Variants in TMEM71 observed in about 807,000 individuals in gnomAD.
The protein encoded by TMEM71 is transmembrane protein 71.
A neutral mutation model predicts 38.0 loss-of-function variants in TMEM71; 44 were observed. The observed-to-expected ratio is 1.16, with a 90% CI of 0.91 to 1.49. The LOEUF is 1.49. Among genes scored for constraint, TMEM71 ranks in the 40% most tolerant of loss-of-function variants. The pLI is 0.00. For missense variants in TMEM71, 367 were observed against 348.6 expected (o/e 1.05, Z -0.42); for synonymous variants, 133 against 122.5 (o/e 1.09, Z -0.56).
the TMEM71 span, chr8:132,775,362 A>T: frequency 2.2e-5 from 8 of 359,478 alleles, no homozygotes; most frequent in Non-Finnish European, 4.0e-5. Context: ...CGGGCGGCTG[A>T]CGTCGCCGGG....
At chr8:132,730,073 C>T (rs1358489668) in intron 5 of TMEM71, among the ~76,000 whole-genome samples, 1 of 152,080 alleles carries the variant, frequency 6.6e-6, no homozygotes, top group African/African-American at 2.4e-5. Context: ...ATTCTCCTGC[C>T]TCAGCCTCCC....
At chr8:132,747,353 T>C (rs938170303) in intron 4 of TMEM71, among the ~76,000 whole-genome samples, 3 of 152,212 alleles carry the variant, frequency 2.0e-5, no homozygotes, top group East Asian at 1.9e-4. Flanking sequence ...AAGAAAGAAA[T>C]AATAATGCAC....
chr8:132,740,193 TC>T lies in TMEM71; in HGVS notation c.487+6748del, dbSNP rs547880058. Among the ~76,000 whole-genome samples, 571 of 152,006 alleles carry T rather than the reference TC, an allele frequency of 3.8e-3. 4 individuals carry two copies. Among genetic ancestry groups the T allele is most frequent in the African/African-American group, 0.012 (484 of 41,414 alleles). ...ACACCTTTCAGTCTTTTCCCTACTA[TC>T]CCCCCTCACTCACTCAGCCCAGTGC... On this transcript the variant is annotated intron_variant, in intron 5 of 9. Coordinates refer to ENST00000677595, the MANE Select transcript of TMEM71 (RefSeq NM_001382403.1).
chr8:132,767,909 A>G, the TMEM71 span, among the ~76,000 whole-genome samples: 1 of 152,212 alleles, frequency 6.6e-6, no homozygotes, highest in Non-Finnish European at 1.5e-5. Context: ...TTATGAGAAA[A>G]AGATTATGTT....
intron 3 of TMEM71, among the ~76,000 whole-genome samples, chr8:132,752,864 G>A (rs532244543): frequency 3.3e-5 from 5 of 149,980 alleles, no homozygotes; most frequent in Non-Finnish European, 7.4e-5. Flanking sequence ...AGGAAGGAAG[G>A]AAGGAAGGAA....
At chr8:132,728,646 T>G (rs1040274168) in intron 5 of TMEM71, among the ~76,000 whole-genome samples, 6 of 152,260 alleles carry the variant, frequency 3.9e-5, no homozygotes, top group Admixed American at 2.0e-4. Flanking sequence ...GAAGTTTGTA[T>G]AGATGGATTT....
chr8:132,710,841 T>C lies in TMEM71; in HGVS notation c.*126A>G, dbSNP rs1358462946. ...TTAAAATCACATAGTCAAACTAAAA[T>C]GGCTTTTTCTCCATTACTCGCTTAC... On this transcript the variant is annotated 3_prime_UTR_variant, in exon 10 of 10. Transcript: ENST00000677595. The C allele has an allele frequency of 8.5e-6, 7 of 821,156 alleles. No homozygotes were observed. In the Admixed American group the frequency reaches 8.6e-5, roughly 10 times the overall value. 50.9% of individuals were successfully genotyped at this position (821,156 alleles called of 1,614,324 possible).
intron 5 of TMEM71, among the ~76,000 whole-genome samples, 169 bp from the exon 6 acceptor site, chr8:132,728,155 G>C (rs1386220092): frequency 1.3e-5 from 2 of 152,098 alleles, no homozygotes; most frequent in African/African-American, 4.8e-5. Flanking sequence ...TTTTGGATGA[G>C]ATGAGATGAT....
At chr8:132,715,337 G>A (rs545352491) in intron 7 of TMEM71, among the ~76,000 whole-genome samples, 1 of 149,024 alleles carries the variant, frequency 6.7e-6, no homozygotes, top group South Asian at 2.1e-4. Flanking sequence ...GTGAACCCGG[G>A]AGGCGGAGCT....
intron 5 of TMEM71, among the ~76,000 whole-genome samples, chr8:132,741,079 T>A (rs1828006698): frequency 6.6e-6 from 1 of 152,162 alleles, no homozygotes; most frequent in Non-Finnish European, 1.5e-5. Context: ...TAAGACCCAC[T>A]CAGGGCTGGG....
At chr8:132,745,431 A>G (rs1401997606) in intron 5 of TMEM71, among the ~76,000 whole-genome samples, 1 of 152,228 alleles carries the variant, frequency 6.6e-6, no homozygotes, top group Non-Finnish European at 1.5e-5. Context: ...AAAAATGTTC[A>G]TCATCACTAA....
intron 3 of TMEM71, among the ~76,000 whole-genome samples, chr8:132,756,316 T>C (rs1829000116): frequency 6.7e-6 from 1 of 149,936 alleles, no homozygotes; most frequent in Non-Finnish European, 1.5e-5. Context: ...AGACATCAGA[T>C]TGAGACAAAG....
At chr8:132,730,961 T>C (rs746056163) in intron 5 of TMEM71, among the ~76,000 whole-genome samples, 1 of 152,142 alleles carries the variant, frequency 6.6e-6, no homozygotes, top group African/African-American at 2.4e-5. Context: ...GCATCACTTA[T>C]GGACAGGGGA....
rs59776482 is a variant in TMEM71 at position 132,728,013 on chromosome 8, AGTGTGT to A, written c.488-33_488-28del. The A allele has an allele frequency of 8.1e-3, 8,664 of 1,073,546 alleles. 14 individuals are homozygous for A. The highest frequency in any genetic ancestry group is 0.03 in the East Asian group (1,185 of 39,000). The allele number at this position is 1,073,546 out of a possible 1,614,324, so 66.5% of individuals were successfully genotyped here. On this transcript the variant is annotated intron_variant, in intron 5 of 9. Coordinates refer to ENST00000677595, the MANE Select transcript of TMEM71 (RefSeq NM_001382403.1). ...TGAAAAAGCAGAGGGGTTCAGTGTGAGTGTGTGTGTGTGTGTGTGTGTGTGTGTGTG... is the reference window on the plus strand; with the variant it reads ...TGAAAAAGCAGAGGGGTTCAGTGTGAGTGTGTGTGTGTGTGTGTGTGTGTG...
intron 5 of TMEM71, among the ~76,000 whole-genome samples, chr8:132,746,704 G>C (rs1415212585): frequency 6.6e-6 from 1 of 151,808 alleles, no homozygotes; most frequent in East Asian, 1.9e-4. Context: ...TATTTTCCCA[G>C]CATTATCAAC....
the TMEM71 span, among the ~76,000 whole-genome samples, chr8:132,766,062 A>T: frequency 6.6e-5 from 10 of 152,000 alleles, no homozygotes; most frequent in Non-Finnish European, 1.3e-4. Flanking sequence ...GGGATTACAG[A>T]TATGAGCCAC....
At chr8:132,720,294 C>T (rs558020925) in intron 7 of TMEM71, among the ~76,000 whole-genome samples, 20 of 152,242 alleles carry the variant, frequency 1.3e-4, no homozygotes, top group Admixed American at 1.1e-3. Context: ...AGTTAAGCTC[C>T]GCCTCTTAAG....
At chr8:132,715,938 C>T (rs945339619) in intron 7 of TMEM71, among the ~76,000 whole-genome samples, 4 of 152,202 alleles carry the variant, frequency 2.6e-5, no homozygotes, top group Non-Finnish European at 4.4e-5. Context: ...ACTGAAGTCC[C>T]ATAAGCGATG....
chr8:132,722,619 A>G (rs374742953), intron 6 of TMEM71, among the ~76,000 whole-genome samples: 1 of 152,238 alleles, frequency 6.6e-6, no homozygotes, highest in African/African-American at 2.4e-5. Context: ...GTCCAAGGTC[A>G]CATAGCTATG....
Sources: allele counts gnomAD v4.1 joint callset (sites outside exome capture counted in the v4.1 genomes callset), GRCh38; gene constraint gnomAD v4.1.1; transcripts MANE v1.5; gene names NCBI Gene and HGNC (gene_info 2026-07-23, HGNC 2026-07-21).